Variants in DMBT1 observed in about 807,000 individuals in gnomAD.
DMBT1 encodes the protein scavenger receptor cysteine-rich domain-containing protein DMBT1.
In DMBT1, 198 loss-of-function variants were observed where a neutral mutation model predicts 252.9. That is an observed-to-expected ratio of 0.78 (90% CI 0.70 to 0.88). DMBT1 has a LOEUF of 0.88. Ranked by LOEUF, DMBT1 falls within the 40% of genes least tolerant of loss-of-function variation. The pLI is 0.00. For missense variants in DMBT1, 2,432 were observed against 2,404.7 expected (o/e 1.01, Z -0.24); for synonymous variants, 990 against 942.7 (o/e 1.05, Z -0.92).
At position 122,630,399 on chromosome 10, in the gene DMBT1, A is replaced by G. The variant is rs1565965701; in HGVS notation, c.5934A>G (p.Thr1978=). The stretch of plus-strand genomic sequence containing the variant: ...GTAATGATACCAGGCAAATATTTAC[A>G]TCTTCTTACAACCGAATGACCATTC... ...KICNDTRQIF[T]SSYNRMTIHF... Residue 1978 remains threonine, a synonymous_variant, in exon 48 of 56, where the codon ACA becomes ACG. Transcript: ENST00000338354. 6.2e-7 allele frequency: 1 copy of G among 1,614,056 alleles called. No individual in the cohort carries two copies. Among genetic ancestry groups the G allele is most frequent in the Admixed American group, 1.7e-5 (1 of 60,026 alleles).
rs1339058867 is a variant in DMBT1, at chr10:122,576,726, G to A, written c.607+4G>A. ...GATGCTGGTGTTATCTGCTCAGGTA[G>A]GCATCCAGATCTCTGGAGGGTTGGG... On this transcript the variant is annotated splice_donor_region_variant and intron_variant, in intron 7 of 55. Coordinates refer to ENST00000338354, the MANE Select transcript of DMBT1 (RefSeq NM_001377530.1). 2 of 1,613,666 alleles carry A rather than the reference G, an allele frequency of 1.2e-6. No homozygotes were observed. Among genetic ancestry groups the A allele is most frequent in the African/African-American group, 1.3e-5 (1 of 74,910 alleles).
intron 1 of DMBT1, among the ~76,000 whole-genome samples, chr10:122,562,969 C>T (rs1264164070): frequency 6.6e-6 from 1 of 152,228 alleles, no homozygotes; most frequent in Admixed American, 6.5e-5. Context: ...CACTAGCATT[C>T]AGATGACAGC....
At chr10:122,640,878 G>A (rs774210856) in intron 55 of DMBT1, among the ~76,000 whole-genome samples, 1 of 152,210 alleles carries the variant, frequency 6.6e-6, no homozygotes, top group African/African-American at 2.4e-5. Flanking sequence ...GCTCTGCCAC[G>A]TGCCAGTTGC....
rs372648977 is a variant in DMBT1, at chr10:122,597,062, C to CCAGG, written c.2917+9_2917+10insAGGC. On this transcript the variant is annotated intron_variant, in intron 24 of 55. Transcript: ENST00000338354. ...GGTCGACGCCCAGTCCAGGTGAGTC[C>CCAGG]CCAGTGTCCTTCCTTGGGATGTCCC... is the stretch of plus-strand genomic sequence containing the variant. 50,902 of 550,306 alleles carry CCAGG rather than the reference C, an allele frequency of 0.092. 4,139 individuals carry two copies. Among genetic ancestry groups the CCAGG allele is most frequent in the African/African-American group, 0.31 (10,707 of 34,438 alleles). 34.1% of individuals were successfully genotyped at this position (550,306 alleles called of 1,614,324 possible).
chr10:122,600,469 G>A (rs2133612535), intron 27 of DMBT1, among the ~76,000 whole-genome samples: 1 of 152,306 alleles, frequency 6.6e-6, no homozygotes, highest in African/African-American at 2.4e-5. Context: ...CATCATCAGG[G>A]CAGGCTCGAT....
At chr10:122,580,650 T>G (rs553874772) in intron 10 of DMBT1, among the ~76,000 whole-genome samples, 4 of 152,032 alleles carry the variant, frequency 2.6e-5, no homozygotes, top group South Asian at 2.1e-4. Context: ...GCAGACACAA[T>G]TTGATCACCT....
chr10:122,632,024 AC>A, intron 50 of DMBT1, 149 bp downstream of exon 50: 1 of 910,256 alleles, frequency 1.1e-6, no homozygotes, highest in Non-Finnish European at 1.8e-6. Flanking sequence ...CCTGCCGGCC[AC>A]CAGGATAGTG....
At chr10:122,569,321 A>G (rs145696895) in intron 2 of DMBT1, among the ~76,000 whole-genome samples, 3 of 152,342 alleles carry the variant, frequency 2.0e-5, no homozygotes, top group African/African-American at 7.2e-5. Flanking sequence ...TACCAACATC[A>G]AATTGAGGAG....
chr10:122,578,340 C>T (rs2097731429), intron 8 of DMBT1, among the ~76,000 whole-genome samples: 1 of 152,178 alleles, frequency 6.6e-6, no homozygotes, highest in Non-Finnish European at 1.5e-5. Context: ...CCTTCACTTA[C>T]CAGGAAACCT....
chr10:122,575,183 G>A (rs1292482391), intron 6 of DMBT1, among the ~76,000 whole-genome samples: 1 of 152,222 alleles, frequency 6.6e-6, no homozygotes, highest in Non-Finnish European at 1.5e-5. Context: ...GCTGTTCAAT[G>A]TTGTACTGGA....
At chr10:122,580,526 C>T (rs1470250062) in intron 10 of DMBT1, among the ~76,000 whole-genome samples, 1 of 152,168 alleles carries the variant, frequency 6.6e-6, no homozygotes, top group African/African-American at 2.4e-5. Context: ...GTGATTGGGG[C>T]TTGAAGATCG....
chr10:122,592,342 A>G lies in DMBT1; in HGVS notation c.2247A>G (p.Leu749=). The part of the protein sequence containing the change: ...SDRCQGRVEV[L]YRGSWGTVCD... ...GGTGTCAGGGCCGAGTAGAGGTCCT[A>G]TACCGAGGCTCCTGGGGCACCGTGT... Residue 749 remains leucine, a synonymous_variant, in exon 20 of 56, where the codon CTA becomes CTG. Transcript: ENST00000338354. 4 of 1,588,244 alleles carry G rather than the reference A, an allele frequency of 2.5e-6. 1 individual carries two copies. The highest frequency in any genetic ancestry group is 1.2e-5 in the South Asian group (1 of 86,916).
chr10:122,576,504 G>A lies in DMBT1; in HGVS notation c.389G>A (p.Ser130Asn), dbSNP rs200980406. ...TCCTGGGGCACCGTGTGTGATGACA[G>A]CTGGGACACCAATGATGCCAACGTG... The part of the protein sequence containing the change: ...RGSWGTVCDD[S>N]WDTNDANVVC... The change falls in exon 7 of 56, where the codon AGC becomes AAC. Residue 130 changes from serine (S) to asparagine (N), a missense_variant. Ser to Asn is a conservative substitution (Grantham distance 46, BLOSUM62 1). This residue lies in a region of DMBT1 where 1,264 missense variants were observed against 1,082.2 expected (regional missense o/e 1.17). Coordinates refer to ENST00000338354, the MANE Select transcript of DMBT1 (RefSeq NM_001377530.1). The A allele has an allele frequency of 1.4e-5, 23 of 1,613,772 alleles. 2 individuals carry two copies. The highest frequency in any genetic ancestry group is 1.3e-4 in the African/African-American group (10 of 74,936).
intron 10 of DMBT1, 35 bp downstream of exon 10, chr10:122,579,936 G>A (rs2097753342): frequency 1.2e-6 from 2 of 1,613,374 alleles, no homozygotes; most frequent in Non-Finnish European, 1.7e-6. Context: ...ACTCTCTTGG[G>A]GTGGAGTTTG....
At chr10:122,630,216 G>A in intron 47 of DMBT1, 72 bp from the exon 48 acceptor site, 1 of 1,510,724 alleles carries the variant, frequency 6.6e-7, no homozygotes, top group Non-Finnish European at 9.2e-7. Context: ...CCCTCGTAAA[G>A]TGCAAACTAT....
At chr10:122,589,338 A>T in intron 17 of DMBT1, 71 bp downstream of exon 17, 2 of 1,570,908 alleles carry the variant, frequency 1.3e-6, no homozygotes. Flanking sequence ...CTTATGTTCT[A>T]ATCTCCTCAC....
intron 42 of DMBT1, 82 bp from the exon 43 acceptor site, chr10:122,620,171 G>A (rs990760224): frequency 4.2e-6 from 6 of 1,432,464 alleles, no homozygotes; most frequent in African/African-American, 2.8e-5. Flanking sequence ...TTTTCATGAT[G>A]CTTGCCTGGT....
chr10:122,598,087 A>G lies in DMBT1; in HGVS notation c.2956+75A>G, dbSNP rs551940880. The G allele has an allele frequency of 8.7e-6, 14 of 1,604,734 alleles. No homozygotes were observed. In the Admixed American group the frequency reaches 1.8e-4, roughly 21 times the overall value. ...AAATGTTTTTTCTGAAAATGATAGG[A>G]TGAGGGTCAAGGTGGGCCCCTCTCT... On this transcript the variant is annotated intron_variant, in intron 25 of 55. Coordinates refer to ENST00000338354, the MANE Select transcript of DMBT1 (RefSeq NM_001377530.1).
intron 46 of DMBT1, among the ~76,000 whole-genome samples, chr10:122,628,868 CT>C (rs1457527644): frequency 6.6e-6 from 1 of 151,962 alleles, no homozygotes; most frequent in Non-Finnish European, 1.5e-5. Context: ...TACAGGGTTT[CT>C]TTTTGGGGTG....
Sources: allele counts gnomAD v4.1 joint callset (sites outside exome capture counted in the v4.1 genomes callset), GRCh38; gene constraint gnomAD v4.1.1; regional missense constraint gnomAD v4.1.1; transcripts MANE v1.5; gene names NCBI Gene and HGNC (gene_info 2026-07-23, HGNC 2026-07-21).